Variants in APAF1 observed in about 807,000 individuals in gnomAD.
APAF1 encodes the protein apoptotic protease-activating factor 1.
Under a neutral mutation model 152.4 loss-of-function variants are expected in APAF1, and 91 were observed. The ratio of observed to expected loss-of-function variants is 0.60; its 90% CI spans 0.50 to 0.71. APAF1 has a LOEUF of 0.71. Among genes scored for constraint, APAF1 ranks in the 30% least tolerant of loss-of-function variants. APAF1 has a pLI of 0.00. For missense variants in APAF1, 1,283 were observed against 1,472.0 expected (o/e 0.87, Z 2.10); for synonymous variants, 484 against 494.1 (o/e 0.98, Z 0.27).
chr12:98,721,763 G>A (rs1237112795), intron 22 of APAF1, among the ~76,000 whole-genome samples: 1 of 152,170 alleles, frequency 6.6e-6, no homozygotes, highest in Non-Finnish European at 1.5e-5. Flanking sequence ...GAAAGCCAGG[G>A]CTTGTTGGGG....
intron 14 of APAF1, 70 bp downstream of exon 14, chr12:98,680,472 C>T (rs2097691105): frequency 2.0e-6 from 3 of 1,489,578 alleles, no homozygotes; most frequent in Admixed American, 1.7e-5. Context: ...GATCATGAGA[C>T]CAGAGTAAGT....
chr12:98,683,289 T>A lies in APAF1; in HGVS notation c.2178+15T>A. 1 of 1,613,010 alleles carries A rather than the reference T, an allele frequency of 6.2e-7. No individual in the cohort carries two copies. The highest frequency in any genetic ancestry group is 8.5e-7 in the Non-Finnish European group (1 of 1,179,394). On this transcript the variant is annotated intron_variant, in intron 15 of 26. Coordinates refer to ENST00000551964, the MANE Select transcript of APAF1 (RefSeq NM_181861.2). The stretch of plus-strand genomic sequence containing the variant: ...GCTTCCTCAAAGTAAGTGTGGATAT[T>A]GAGAATTAGGTAGATAAATTTGATT...
Position 98,732,512 on chromosome 12 carries a change from A to G in APAF1, c.3693A>G (p.Thr1231=). The G allele has an allele frequency of 6.3e-7, 1 of 1,579,324 alleles. No homozygotes were observed. Among genetic ancestry groups the G allele is most frequent in the Non-Finnish European group, 8.7e-7 (1 of 1,148,354 alleles). ...TACACGTGTCCCCTGACTTCAAAAC[A>G]TATGTGACTGTGGATAATCTTGGTA... ...KKIHVSPDFK[T]YVTVDNLGIL... is the part of the protein sequence containing the mutation. Residue 1231 remains threonine (T), a synonymous_variant, in exon 27 of 27, where the codon ACA becomes ACG. Coordinates refer to ENST00000551964, the MANE Select transcript of APAF1 (RefSeq NM_181861.2).
Position 98,681,003 on chromosome 12 carries a change from C to A in APAF1, c.2046+601C>A, listed in dbSNP as rs534591977. On this transcript the variant is annotated intron_variant, in intron 14 of 26. Coordinates refer to ENST00000551964, the MANE Select transcript of APAF1 (RefSeq NM_181861.2). Reference sequence around the variant, plus strand: ...TTCAGTGGAAAACCAGGTGGATGAACAAACTAATAATTACGTTACTGGTCT... The same window carrying A: ...TTCAGTGGAAAACCAGGTGGATGAAAAAACTAATAATTACGTTACTGGTCT... Among the ~76,000 whole-genome samples, 448 of 152,254 alleles carry A rather than the reference C, an allele frequency of 2.9e-3. 1 individual carries two copies. The highest frequency in any genetic ancestry group is 0.01 in the African/African-American group (433 of 41,556).
At chr12:98,671,799 C>T in intron 12 of APAF1, 80 bp downstream of exon 12, 1 of 1,377,748 alleles carries the variant, frequency 7.3e-7, no homozygotes, top group Non-Finnish European at 1.0e-6. Flanking sequence ...TACGATCACT[C>T]CAGGAGGATT....
intron 5 of APAF1, among the ~76,000 whole-genome samples, chr12:98,660,174 T>C (rs1438657945): frequency 6.6e-6 from 1 of 152,104 alleles, no homozygotes; most frequent in Non-Finnish European, 1.5e-5. Context: ...GATGAAACCC[T>C]GTCTTTCTAA....
At chr12:98,715,316 C>T in intron 21 of APAF1, 111 bp from the exon 22 acceptor site, 1 of 712,104 alleles carries the variant, frequency 1.4e-6, no homozygotes, top group Non-Finnish European at 2.2e-6. Flanking sequence ...CTGGAAGCAC[C>T]AGATGGAAAT....
intron 16 of APAF1, among the ~76,000 whole-genome samples, chr12:98,688,575 G>A (rs1005039895): frequency 6.8e-6 from 1 of 146,420 alleles, no homozygotes; most frequent in African/African-American, 2.5e-5. Context: ...GTCTCAAGCA[G>A]TCCTCGTACT....
chr12:98,694,528 C>G (rs1250295124), intron 16 of APAF1, among the ~76,000 whole-genome samples: 1 of 151,878 alleles, frequency 6.6e-6, no homozygotes, highest in Admixed American at 6.6e-5. Context: ...ACTTTTCTTT[C>G]CTTCTATTGA....
At chr12:98,706,403 T>G in intron 18 of APAF1, 82 bp from the exon 19 acceptor site, 1 of 1,390,674 alleles carries the variant, frequency 7.2e-7, no homozygotes, top group East Asian at 2.3e-5. Flanking sequence ...TATTGCTGGC[T>G]CATTCTTGCT....
At chr12:98,707,709 T>TATATATATATATATATATATATAC (rs899955094) in intron 19 of APAF1, among the ~76,000 whole-genome samples, 361 of 149,734 alleles carry the variant, frequency 2.4e-3, no homozygotes, top group Middle Eastern at 0.015. Flanking sequence ...TATATATATA[T>TATATATATATATATATATATATAC]ATACATATAA....
intron 22 of APAF1, among the ~76,000 whole-genome samples, chr12:98,721,330 G>A (rs2097742440): frequency 6.6e-6 from 1 of 152,214 alleles, no homozygotes; most frequent in African/African-American, 2.4e-5. Context: ...GCAGAGGGCA[G>A]AAGTAAGATA....
At chr12:98,671,963 A>G (rs1267378372) in intron 12 of APAF1, among the ~76,000 whole-genome samples, 1 of 152,244 alleles carries the variant, frequency 6.6e-6, no homozygotes, top group Non-Finnish European at 1.5e-5. Context: ...CTAAGTATTC[A>G]GTACTAAGTG....
intron 26 of APAF1, among the ~76,000 whole-genome samples, chr12:98,729,533 G>C (rs544247166): frequency 6.6e-6 from 1 of 152,172 alleles, no homozygotes; most frequent in Non-Finnish European, 1.5e-5. Flanking sequence ...TCTGCGGATG[G>C]GTTCCTAAAA....
At chr12:98,717,969 T>A (rs953649248) in intron 22 of APAF1, among the ~76,000 whole-genome samples, 2 of 152,178 alleles carry the variant, frequency 1.3e-5, no homozygotes, top group African/African-American at 4.8e-5. Flanking sequence ...GTCTTTTGCC[T>A]GGAGGATAAA....
chr12:98,683,234 ATCT>A lies in APAF1; in HGVS notation c.2142_2144del (p.Leu716del). ...TGCCATTTCACCAACAGTAGTCATC[ATCT>A]TCTCTTAGCCACTGGGTCAAGTGAC... On this transcript the variant is annotated inframe_deletion, in exon 15 of 27. Coordinates refer to ENST00000551964, the MANE Select transcript of APAF1 (RefSeq NM_181861.2). The A allele has an allele frequency of 6.2e-7, 1 of 1,614,024 alleles. No individual in the cohort carries two copies. Among genetic ancestry groups the A allele is most frequent in the Non-Finnish European group, 8.5e-7 (1 of 1,179,966 alleles).
At position 98,708,192 on chromosome 12, in the gene APAF1, G is replaced by A. The variant is rs190624207; in HGVS notation, c.2722-393G>A. Among the ~76,000 whole-genome samples the A allele has an allele frequency of 1.6e-3, 249 of 152,254 alleles. 9 individuals are homozygous for A. The East Asian group carries it at 0.045, about 27-fold the overall frequency. On this transcript the variant is annotated intron_variant, in intron 19 of 26. Transcript: ENST00000551964. ...ACTCCTGACCTCAGGTGATCTACCC[G>A]CCTTGGCCTCCCAAAGTGCTGGGAT...
At chr12:98,675,829 A>G (rs1334494700) in intron 12 of APAF1, among the ~76,000 whole-genome samples, 1 of 152,242 alleles carries the variant, frequency 6.6e-6, no homozygotes, top group Non-Finnish European at 1.5e-5. Context: ...AATACTTTGT[A>G]GGCAGGATCT....
intron 3 of APAF1, chr12:98,649,029 AATAAT>A: frequency 1.4e-6 from 1 of 710,862 alleles, no homozygotes. Context: ...CTGCTGAGAT[AATAAT>A]ATGTCTACCC....
Sources: allele counts gnomAD v4.1 joint callset (sites outside exome capture counted in the v4.1 genomes callset), GRCh38; gene constraint gnomAD v4.1.1; transcripts MANE v1.5; gene names NCBI Gene and HGNC (gene_info 2026-07-23, HGNC 2026-07-21).